ZFHX3: variants seen among roughly 807,000 people sequenced by gnomAD.
ZFHX3 encodes zinc finger homeobox protein 3.
In ZFHX3, 42 loss-of-function variants were observed where a neutral mutation model predicts 279.1. That is an observed-to-expected ratio of 0.15 (90% CI 0.12 to 0.19). ZFHX3 has a LOEUF of 0.19. Among genes scored for constraint, ZFHX3 ranks in the 10% least tolerant of loss-of-function variants. ZFHX3 has a pLI of 1.00. For synonymous variants in ZFHX3, 2,293 were observed against 1,957.8 expected, an observed-to-expected ratio of 1.17 and a Z score of -4.52; for missense variants, 4,981 against 4,754.0, an observed-to-expected ratio of 1.05 and a Z score of -1.40.
chr16:73,336,319 T>A (rs1367569582), intron 3 of ZFHX3, among the ~76,000 whole-genome samples: 1 of 152,174 alleles, frequency 6.6e-6, no homozygotes, highest in Non-Finnish European at 1.5e-5. Context: ...GGGTTTGGTG[T>A]ACAGGGTAAT....
At chr16:73,483,422 G>T (rs1204403260) in intron 2 of ZFHX3, 1 of 455,076 alleles carries the variant, frequency 2.2e-6, no homozygotes, top group Non-Finnish European at 4.4e-6. Context: ...TGGAAGAAAA[G>T]ATGAGAAGGA....
At position 73,511,498 on chromosome 16, in the gene ZFHX3, T is replaced by A. The variant is rs185099091; in HGVS notation, c.-1546-55240A>T. On this transcript the variant is annotated intron_variant, in intron 2 of 17. Coordinates refer to the ZFHX3 transcript ENST00000641206. Reference sequence around the variant, plus strand: ...GAAGGTGGACTATGAAATTCTGTGCTCTCTGTGAAATGTGCACAGCCTTAG... The same window carrying A: ...GAAGGTGGACTATGAAATTCTGTGCACTCTGTGAAATGTGCACAGCCTTAG... Among the ~76,000 whole-genome samples, 423 of 152,330 alleles carry A rather than the reference T, an allele frequency of 2.8e-3. 3 individuals are homozygous for A. The highest frequency in any genetic ancestry group is 9.6e-3 in the African/African-American group (401 of 41,572).
intron 5 of ZFHX3, among the ~76,000 whole-genome samples, chr16:72,822,351 T>C (rs563545312): frequency 6.6e-6 from 1 of 152,318 alleles, no homozygotes; most frequent in Admixed American, 6.5e-5. Flanking sequence ...TTTGGCTTTA[T>C]AATGTAGAAA....
At chr16:72,999,316 C>A (rs1401378323) in intron 1 of ZFHX3, among the ~76,000 whole-genome samples, 1 of 152,186 alleles carries the variant, frequency 6.6e-6, no homozygotes, top group African/African-American at 2.4e-5. Flanking sequence ...TGCCGCCACA[C>A]CCGGCTAATT....
intron 2 of ZFHX3, among the ~76,000 whole-genome samples, chr16:73,470,390 T>C (rs924851311): frequency 9.2e-5 from 14 of 152,328 alleles, no homozygotes; most frequent in Non-Finnish European, 1.0e-4. Flanking sequence ...CCTTCACGTT[T>C]AGCGTGTTGT....
chr16:73,282,676 A>C (rs989865921), intron 4 of ZFHX3, among the ~76,000 whole-genome samples: 3 of 152,172 alleles, frequency 2.0e-5, no homozygotes, highest in Non-Finnish European at 2.9e-5. Flanking sequence ...TTTATCTATC[A>C]GTTCAATGGT....
intron 2 of ZFHX3, among the ~76,000 whole-genome samples, chr16:73,611,672 C>T (rs1344645523): frequency 6.6e-6 from 1 of 152,172 alleles, no homozygotes; most frequent in East Asian, 1.9e-4. Flanking sequence ...TGTGTGCAAA[C>T]AAAGTCAGGA....
Position 72,957,497 on chromosome 16 carries a change from G to A in ZFHX3, c.2649C>T (p.Asp883=), listed in dbSNP as rs772231000. 35 of 1,614,016 alleles carry A rather than the reference G, an allele frequency of 2.2e-5. No homozygotes were observed. Among genetic ancestry groups the A allele is most frequent in the Admixed American group, 5.0e-5 (3 of 60,004 alleles). Residue 883 remains aspartate (D), a synonymous_variant, in exon 2 of 10, where the codon GAC becomes GAT. Transcript: ENST00000268489. Reference sequence around the variant, plus strand: ...GGAATCCGCTCATCATGAACTGGGCGTCCGAGGCAGCACTGTCCATCTTCA... The same window carrying A: ...GGAATCCGCTCATCATGAACTGGGCATCCGAGGCAGCACTGTCCATCTTCA... The part of the protein sequence containing the change: ...PNLKMDSAAS[D]AQFMMSGFQL...
chr16:73,041,423 C>A (rs1268452038), intron 1 of ZFHX3, among the ~76,000 whole-genome samples: 1 of 122,418 alleles, frequency 8.2e-6, no homozygotes, highest in Non-Finnish European at 1.7e-5. Flanking sequence ...GCTGAGGTGA[C>A]CCTACTACCG....
chr16:73,616,637 G>A (rs2052305358), intron 2 of ZFHX3, among the ~76,000 whole-genome samples: 2 of 151,912 alleles, frequency 1.3e-5, no homozygotes, highest in African/African-American at 2.4e-5. Flanking sequence ...TGTATAAAAC[G>A]CATGTCAACA....
chr16:73,824,413 T>A (rs1323077994), intron 1 of ZFHX3, among the ~76,000 whole-genome samples: 123 of 146,060 alleles, frequency 8.4e-4, no homozygotes, highest in Non-Finnish European at 1.4e-3. Flanking sequence ...TTTTTTTTTT[T>A]ATTATACTTT....
intron 4 of ZFHX3, among the ~76,000 whole-genome samples, chr16:72,858,439 C>T (rs931153777): frequency 2.6e-5 from 4 of 152,116 alleles, no homozygotes; most frequent in Admixed American, 6.6e-5. Flanking sequence ...GGGAAAATGT[C>T]CTTCAAACAA....
chr16:72,919,134 G>C (rs1173417670), intron 3 of ZFHX3, among the ~76,000 whole-genome samples: 1 of 151,848 alleles, frequency 6.6e-6, no homozygotes, highest in Non-Finnish European at 1.5e-5. Context: ...CAGTCTCTCA[G>C]GCAGGACCTC....
At chr16:73,333,107 T>C (rs185847149) in intron 3 of ZFHX3, among the ~76,000 whole-genome samples, 11 of 152,234 alleles carry the variant, frequency 7.2e-5, no homozygotes, top group Admixed American at 5.2e-4. Flanking sequence ...GACATGTAAA[T>C]ACATAAATAG....
chr16:73,248,218 G>A (rs1024768522), intron 5 of ZFHX3, among the ~76,000 whole-genome samples: 1 of 151,904 alleles, frequency 6.6e-6, no homozygotes, highest in African/African-American at 2.4e-5. Context: ...ATATATGTGT[G>A]TGTGTATACT....
intron 3 of ZFHX3, among the ~76,000 whole-genome samples, chr16:73,405,172 G>A (rs564864609): frequency 2.0e-5 from 3 of 152,176 alleles, no homozygotes; most frequent in East Asian, 3.9e-4. Context: ...GACCAAAGCC[G>A]GAAAGGAAAT....
At position 72,903,185 on chromosome 16, in the gene ZFHX3, G is replaced by GCA; in HGVS notation, c.3217-13224_3217-13223insTG. Among the ~76,000 whole-genome samples, 8 of 152,310 alleles carry GCA rather than the reference G, an allele frequency of 5.3e-5. No homozygotes were observed. The South Asian group carries it at 1.2e-3, about 24-fold the overall frequency. ...GGGTGCCCACTGTGGAGGTCGTTGA[G>GCA]AAAGGCCCATGCTAAGGGCAGGTCC... On this transcript the variant is annotated intron_variant, in intron 3 of 9. Coordinates refer to ENST00000268489, the MANE Select transcript of ZFHX3 (RefSeq NM_006885.4).
chr16:72,919,286 G>C (rs1216154381), intron 3 of ZFHX3, among the ~76,000 whole-genome samples: 1 of 151,938 alleles, frequency 6.6e-6, no homozygotes, highest in Admixed American at 6.6e-5. Flanking sequence ...AGCCTCCCAA[G>C]TAGCTAGGAC....
At chr16:73,854,964 A>G (rs1961686026) in intron 1 of ZFHX3, among the ~76,000 whole-genome samples, 1 of 152,072 alleles carries the variant, frequency 6.6e-6, no homozygotes, top group African/African-American at 2.4e-5. Flanking sequence ...CCAGAATTCA[A>G]AGGCCCTTGA....
Sources: gnomAD v4.1 joint callset for allele counts (sites outside exome capture counted in the v4.1 genomes callset) on GRCh38, gnomAD v4.1.1 for gene constraint, MANE v1.5 for transcripts, NCBI Gene and HGNC (gene_info 2026-07-23, HGNC 2026-07-21) for gene names.